Variants in SLC39A9 observed in about 807,000 individuals in gnomAD.
SLC39A9 encodes solute carrier family 39 member 9, also known as zinc transporter ZIP9.
SLC39A9 carries 14 observed loss-of-function variants against 28.4 expected under a neutral mutation model. The observed-to-expected ratio is 0.49, with a 90% confidence interval of 0.33 to 0.77. SLC39A9 has a LOEUF of 0.77. Ranked by LOEUF, SLC39A9 falls within the 30% of genes least tolerant of loss-of-function variation. SLC39A9 has a pLI of 0.02. For missense variants in SLC39A9, 283 were observed against 381.1 expected (o/e 0.74, Z 2.14); for synonymous variants, 119 against 149.6 (o/e 0.80, Z 1.49).
intron 4 of SLC39A9, 90 bp downstream of exon 4, chr14:69,453,399 G>A: frequency 8.2e-7 from 1 of 1,214,484 alleles, no homozygotes. Flanking sequence ...CTCATTGAAT[G>A]CTCTTGGACT....
chr14:69,404,489 A>G (rs539939570), intron 1 of SLC39A9, among the ~76,000 whole-genome samples: 4 of 152,360 alleles, frequency 2.6e-5, no homozygotes, highest in Admixed American at 1.3e-4. Context: ...AAAACTTTCA[A>G]AAATATTGAG....
intron 3 of SLC39A9, among the ~76,000 whole-genome samples, chr14:69,450,441 G>A (rs1024550778): frequency 7.9e-5 from 12 of 151,884 alleles, no homozygotes; most frequent in East Asian, 3.9e-4. Context: ...TCCATTTAAC[G>A]AATGATTTTT....
chr14:69,404,366 C>G (rs1270398918), intron 1 of SLC39A9, among the ~76,000 whole-genome samples: 1 of 152,210 alleles, frequency 6.6e-6, no homozygotes, highest in Non-Finnish European at 1.5e-5. Flanking sequence ...GTCAATGTTA[C>G]TACTTGAACA....
At chr14:69,422,304 GTA>G (rs1463794637) in intron 1 of SLC39A9, among the ~76,000 whole-genome samples, 10 of 152,114 alleles carry the variant, frequency 6.6e-5, no homozygotes, top group Non-Finnish European at 2.9e-5. Context: ...CCAGGCTTGA[GTA>G]TAATTCAGTG....
At chr14:69,441,579 A>G (rs1180885951) in intron 2 of SLC39A9, among the ~76,000 whole-genome samples, 1 of 152,180 alleles carries the variant, frequency 6.6e-6, no homozygotes, top group Non-Finnish European at 1.5e-5. Flanking sequence ...CTGATATTTT[A>G]TAAAGCTAAA....
intron 3 of SLC39A9, among the ~76,000 whole-genome samples, 177 bp from the exon 4 acceptor site, chr14:69,453,064 C>T (rs1240246574): frequency 6.6e-6 from 1 of 152,090 alleles, no homozygotes; most frequent in Non-Finnish European, 1.5e-5. Flanking sequence ...TGGCCGGGTG[C>T]GGTGGCTCAC....
At chr14:69,450,217 G>A (rs974145383) in intron 3 of SLC39A9, among the ~76,000 whole-genome samples, 30 of 151,800 alleles carry the variant, frequency 2.0e-4, no homozygotes, top group Non-Finnish European at 5.9e-5. Context: ...AGAAAGGAAG[G>A]AAGAGGACCG....
At chr14:69,405,240 T>G (rs186194514) in intron 1 of SLC39A9, among the ~76,000 whole-genome samples, 1 of 152,226 alleles carries the variant, frequency 6.6e-6, no homozygotes, top group Non-Finnish European at 1.5e-5. Context: ...TCATTCATAA[T>G]AAGTATCTTT....
At chr14:69,404,165 G>A (rs1279769498) in intron 1 of SLC39A9, among the ~76,000 whole-genome samples, 4 of 152,212 alleles carry the variant, frequency 2.6e-5, no homozygotes, top group Admixed American at 1.3e-4. Context: ...GTTCAGGGTT[G>A]CAGTGAGCTA....
At chr14:69,450,614 A>G (rs1293081769) in intron 3 of SLC39A9, among the ~76,000 whole-genome samples, 11 of 152,046 alleles carry the variant, frequency 7.2e-5, no homozygotes, top group Non-Finnish European at 4.4e-5. Flanking sequence ...TCTCTACAAA[A>G]AAGTACTTTA....
chr14:69,446,246 A>G (rs1160339521), intron 3 of SLC39A9, among the ~76,000 whole-genome samples: 1 of 150,776 alleles, frequency 6.6e-6, no homozygotes, highest in African/African-American at 2.4e-5. Flanking sequence ...GGATTTCTAA[A>G]TGTATTTGGT....
chr14:69,437,434 A>ACAAC (rs1478643913), intron 2 of SLC39A9, among the ~76,000 whole-genome samples: 1 of 151,968 alleles, frequency 6.6e-6, no homozygotes, highest in Non-Finnish European at 1.5e-5. Context: ...TGTAGTCCTG[A>ACAAC]AGTAGTTGTT....
chr14:69,413,758 C>G (rs1883415301), intron 1 of SLC39A9, among the ~76,000 whole-genome samples: 1 of 151,898 alleles, frequency 6.6e-6, no homozygotes, highest in African/African-American at 2.4e-5. Flanking sequence ...ATGTATTATG[C>G]TATGCAGTGA....
intron 1 of SLC39A9, among the ~76,000 whole-genome samples, chr14:69,411,224 A>C (rs1028173657): frequency 1.3e-5 from 2 of 152,062 alleles, no homozygotes; most frequent in African/African-American, 4.8e-5. Flanking sequence ...AAAAAAAAAA[A>C]AAAAAAAACT....
intron 1 of SLC39A9, among the ~76,000 whole-genome samples, chr14:69,408,946 A>G (rs1396745875): frequency 1.3e-5 from 2 of 152,214 alleles, no homozygotes; most frequent in Non-Finnish European, 1.5e-5. Context: ...TTAATGACAC[A>G]TGTCAACTGA....
Position 69,401,088 on chromosome 14 carries a change from C to G in SLC39A9, c.96+1623C>G, listed in dbSNP as rs559285007. 5.3e-5 allele frequency among the ~76,000 whole-genome samples: 8 copies of G among 152,036 alleles called. 1 individual carries two copies. Among genetic ancestry groups the G allele is most frequent in the Admixed American group, 2.0e-4 (3 of 15,284 alleles). On this transcript the variant is annotated intron_variant, in intron 1 of 6. Coordinates refer to ENST00000336643, the MANE Select transcript of SLC39A9 (RefSeq NM_018375.5). ...ATCAGAAGAGAGGTATTTTTTCAGT[C>G]TAGCTTTTCTGACTCAGACTAGTTC...
Position 69,458,543 on chromosome 14 carries a change from G to T in SLC39A9, c.874G>T (p.Val292Phe). The stretch of plus-strand genomic sequence containing the variant: ...CAGCCGCCTGGAAGTGGCAGCCCTG[G>T]TTCTGGGTTGCCTCATCCCTCTCAT... Reference protein sequence around the residue: ...GLSRLEVAALVLGCLIPLILS... With the variant: ...GLSRLEVAALFLGCLIPLILS... The change falls in exon 7 of 7, where the codon GTT (valine) becomes TTT (phenylalanine). Residue 292 changes from valine to phenylalanine, a missense_variant. Val to Phe is a conservative substitution (Grantham distance 50). Coordinates refer to ENST00000336643, the MANE Select transcript of SLC39A9 (RefSeq NM_018375.5). The T allele has an allele frequency of 6.2e-7, 1 of 1,614,146 alleles. No homozygotes were observed. Among genetic ancestry groups the T allele is most frequent in the Non-Finnish European group, 8.5e-7 (1 of 1,179,980 alleles).
chr14:69,421,827 C>A (rs1394482279), intron 1 of SLC39A9, among the ~76,000 whole-genome samples: 1 of 152,212 alleles, frequency 6.6e-6, no homozygotes, highest in Non-Finnish European at 1.5e-5. Context: ...GGGATATAAT[C>A]TCCTGGTGTG....
rs1594932234 is a variant in SLC39A9 at position 69,434,958 on chromosome 14, A to G, written c.206-7111A>G. On this transcript the variant is annotated intron_variant, in intron 2 of 6. Transcript: ENST00000336643. ...TTTATTATGGTAAGAAAATATACTT[A>G]GTATGATTTGAAAACTTACAGATTT... Among the ~76,000 whole-genome samples the G allele has an allele frequency of 2.6e-5, 4 of 152,344 alleles. No homozygotes were observed. In the South Asian group the frequency reaches 8.3e-4, roughly 32 times the overall value.
Sources: gnomAD v4.1 joint callset for allele counts (sites outside exome capture counted in the v4.1 genomes callset) on GRCh38, gnomAD v4.1.1 for gene constraint, MANE v1.5 for transcripts, NCBI Gene and HGNC (gene_info 2026-07-23, HGNC 2026-07-21) for gene names.